VSX1: variants seen among roughly 807,000 people sequenced by gnomAD.
The protein encoded by VSX1 is homeodomain protein RINX.
A neutral mutation model predicts 23.6 loss-of-function variants in VSX1; 23 were observed. The ratio of observed to expected loss-of-function variants is 0.97; its 90% CI spans 0.70 to 1.38. The LOEUF is 1.38. VSX1 is among the 40% of genes most tolerant of loss of function. The probability of loss-of-function intolerance (pLI) is 0.00; values close to 1 mark genes in which losing one functional copy is unlikely to be tolerated. For missense variants in VSX1, 517 were observed against 495.4 expected, an observed-to-expected ratio of 1.04 and a Z score of -0.41; for synonymous variants, 247 against 215.1, an observed-to-expected ratio of 1.15 and a Z score of -1.30.
chr20:25,080,005 C>A (rs966491259), intron 1 of VSX1, among the ~76,000 whole-genome samples: 1 of 152,160 alleles, frequency 6.6e-6, no homozygotes, highest in African/African-American at 2.4e-5. Flanking sequence ...ACATCAGAAC[C>A]CTCGTCAGAA....
At chr20:25,075,250 G>C (rs184102572), downstream of VSX1, among the ~76,000 whole-genome samples, 114 of 152,282 alleles carry the variant, frequency 7.5e-4, no homozygotes, top group African/African-American at 2.6e-3. Context: ...CCATCAACTA[G>C]AAGGTATCTT....
chr20:25,078,427 T>G, intron 3 of VSX1: 1 of 677,902 alleles, frequency 1.5e-6, no homozygotes, highest in Non-Finnish European at 2.0e-6. Flanking sequence ...TATATATGCA[T>G]GTAGATATGT....
At chr20:25,078,039 C>T in intron 3 of VSX1, 174 bp from the exon 4 acceptor site, 3 of 833,008 alleles carry the variant, frequency 3.6e-6, no homozygotes, top group Non-Finnish European at 5.6e-6. Context: ...GGAGAGCGCC[C>T]AGGAGCCCCC....
Position 25,079,641 on chromosome 20 carries a change from A to T in VSX1, c.425-127T>A, listed in dbSNP as rs755860617. 8.1e-6 allele frequency: 7 copies of T among 864,380 alleles called. No homozygotes were observed. In the African/African-American group the frequency reaches 1.2e-4, roughly 15 times the overall value. The allele number at this position is 864,380 out of a possible 1,614,324, so 53.5% of individuals were successfully genotyped here. On this transcript the variant is annotated intron_variant, in intron 1 of 4. Coordinates refer to ENST00000376709, the MANE Select transcript of VSX1 (RefSeq NM_014588.6). Reference sequence around the variant, plus strand: ...TAAGTAGTTTACAGTATGAGCCAGCATTTTTAGTGCCTACTAGATCCCAGG... The same window carrying T: ...TAAGTAGTTTACAGTATGAGCCAGCTTTTTTAGTGCCTACTAGATCCCAGG...
At chr20:25,073,457 T>A (rs1351843530), downstream of VSX1, among the ~76,000 whole-genome samples, 1 of 152,228 alleles carries the variant, frequency 6.6e-6, no homozygotes, top group Non-Finnish European at 1.5e-5. Flanking sequence ...ATTGGTTGGC[T>A]GGTTACCAGT....
downstream of VSX1, among the ~76,000 whole-genome samples, chr20:25,074,736 C>G (rs2089450210): frequency 6.6e-6 from 1 of 152,140 alleles, no homozygotes; most frequent in South Asian, 2.1e-4. Flanking sequence ...TACTGGTTCC[C>G]TCTCCCAAAC....
intron 1 of VSX1, 171 bp downstream of exon 1, chr20:25,081,502 C>T: frequency 1.0e-6 from 1 of 1,001,774 alleles, no homozygotes; most frequent in East Asian, 2.4e-5. Context: ...CAGCAAGGGG[C>T]AGGCGGCGCA....
Position 25,076,551 on chromosome 20 carries a change from C to T in VSX1, c.809-1G>A. On this transcript the variant is annotated splice_acceptor_variant, in intron 4 of 4. Transcript: ENST00000376709. LOFTEE classifies it high-confidence loss of function. ...ATCCCCATGGATTTTTTATGCATCC[C>T]TTGTAAAAAAAAAAATAAAAAGGAA... 6.3e-7 allele frequency: 1 copy of T among 1,579,016 alleles called. No individual in the cohort carries two copies. The highest frequency in any genetic ancestry group is 8.5e-7 in the Non-Finnish European group (1 of 1,170,414).
rs1381129684 is a variant in VSX1 at position 25,077,765 on chromosome 20, C to G, written c.728G>C (p.Arg243Pro). The part of the protein sequence containing the change: ...AEYGLYGAMV[R>P]HCIPLPDSVL... ...GGAGTCTGGCAGCGGGATGCAGTGG[C>G]GCACCATGGCCCCGTACAGCCCGTA... The change falls in exon 4 of 5, where the codon CGC becomes CCC. Residue 243 changes from arginine to proline, a missense_variant. Transcript: ENST00000376709. 1.3e-6 allele frequency: 2 copies of G among 1,550,730 alleles called. No individual in the cohort carries two copies. The highest frequency in any genetic ancestry group is 1.7e-6 in the Non-Finnish European group (2 of 1,146,978).
intron 1 of VSX1, chr20:25,081,402 T>C (rs1345598724): frequency 4.1e-6 from 3 of 735,630 alleles, no homozygotes; most frequent in African/African-American, 1.7e-5. Context: ...CCCCAGGGTC[T>C]CATCAAAAGG....
intron 2 of VSX1, 105 bp downstream of exon 2, chr20:25,079,331 T>G: frequency 8.3e-7 from 1 of 1,203,500 alleles, no homozygotes; most frequent in Non-Finnish European, 1.2e-6. Context: ...AGGAAACCAC[T>G]GGGCCTGCTA....
chr20:25,081,275 G>C (rs150081912), intron 1 of VSX1, among the ~76,000 whole-genome samples: 28 of 152,226 alleles, frequency 1.8e-4, no homozygotes, highest in African/African-American at 6.8e-4. Flanking sequence ...TACCTTGTTC[G>C]GTGCTGCTGG....
At position 25,076,505 on chromosome 20, in the gene VSX1, T is replaced by A; in HGVS notation, c.854A>T (p.Glu285Val). Residue 285 changes from glutamate (E) to valine (V), a missense_variant, in exon 5 of 5, where the codon GAA (glutamate) becomes GTA (valine). Transcript: ENST00000376709. ...SMGMIRKPGS[E>V]DKLAGLWGSD... The stretch of plus-strand genomic sequence containing the variant: ...GCCCCAGAGTCCTGCCAACTTATCT[T>A]CACTTCCTGGCTTCCTTATCATCCC... The A allele has an allele frequency of 6.2e-7, 1 of 1,613,824 alleles. No individual in the cohort carries two copies. Among genetic ancestry groups the A allele is most frequent in the Non-Finnish European group, 8.5e-7 (1 of 1,179,930 alleles).
chr20:25,077,700 C>G lies in VSX1; in HGVS notation c.793G>C (p.Ala265Pro). The G allele has an allele frequency of 6.5e-7, 1 of 1,548,990 alleles. No individual in the cohort carries two copies. Among genetic ancestry groups the G allele is most frequent in the African/African-American group, 1.4e-5 (1 of 73,132 alleles). Residue 265 changes from alanine to proline, a missense_variant, in exon 4 of 5, where the codon GCG becomes CCG. By Grantham distance (27) the Ala-to-Pro change is conservative (BLOSUM62 -1). Coordinates refer to ENST00000376709, the MANE Select transcript of VSX1 (RefSeq NM_014588.6). ...SAEGGLLGSC[A>P]PWLLGMHKKS... ...CCTTCCTTACCCAGGAGCCAGGGCGCGCAGGAGCCCAGCAGGCCGCCCTCG... is the reference window on the plus strand; with the variant it reads ...CCTTCCTTACCCAGGAGCCAGGGCGGGCAGGAGCCCAGCAGGCCGCCCTCG...
intron 3 of VSX1, chr20:25,078,145 A>G (rs1568864042): frequency 1.2e-5 from 6 of 480,216 alleles, no homozygotes; most frequent in Admixed American, 9.0e-5. Context: ...TCAGGAATGA[A>G]AAAAACTAAA....
chr20:25,072,390 C>T (rs139913034), downstream of VSX1: 10 of 397,876 alleles, frequency 2.5e-5, no homozygotes, highest in African/African-American at 1.0e-4. Flanking sequence ...CAGTGTCAGC[C>T]GCACCCACTT....
intron 1 of VSX1, among the ~76,000 whole-genome samples, chr20:25,080,360 A>G (rs1291686177): frequency 6.6e-6 from 1 of 152,232 alleles, no homozygotes; most frequent in Non-Finnish European, 1.5e-5. Flanking sequence ...GGGCTGTCCA[A>G]CCTGATGAGA....
downstream of VSX1, chr20:25,072,715 T>C (rs1204691409): frequency 6.2e-5 from 29 of 470,036 alleles, no homozygotes; most frequent in South Asian, 4.3e-4. Context: ...TTTTCATATA[T>C]TGTTTTTATA....
chr20:25,078,767 G>A, intron 3 of VSX1, 62 bp downstream of exon 3: 1 of 1,614,170 alleles, frequency 6.2e-7, no homozygotes, highest in Non-Finnish European at 8.5e-7. Flanking sequence ...TTGGCTCACT[G>A]AATGTGGGAA....
Sources: gnomAD v4.1 joint callset for allele counts (sites outside exome capture counted in the v4.1 genomes callset) on GRCh38, gnomAD v4.1.1 for gene constraint, MANE v1.5 for transcripts, NCBI Gene and HGNC (gene_info 2026-07-23, HGNC 2026-07-21) for gene names.